Variants in SPOCK3 observed in about 807,000 individuals in gnomAD.
The protein encoded by SPOCK3 is testican-3.
In SPOCK3, 30 loss-of-function variants were observed where a neutral mutation model predicts 56.6. The observed-to-expected ratio is 0.53, with a 90% CI of 0.40 to 0.72. SPOCK3 has a LOEUF of 0.72. SPOCK3 is among the 30% of genes least tolerant of loss of function. SPOCK3 has a pLI of 0.00. For synonymous variants in SPOCK3, 196 were observed against 183.3 expected, an observed-to-expected ratio of 1.07 and a Z score of -0.56; for missense variants, 527 against 530.0, an observed-to-expected ratio of 0.99 and a Z score of 0.06.
intron 2 of SPOCK3, among the ~76,000 whole-genome samples, chr4:167,176,832 C>G (rs979329233): frequency 1.3e-5 from 2 of 152,042 alleles, no homozygotes; most frequent in African/African-American, 2.4e-5. Flanking sequence ...AAGTGGTTCA[C>G]GGGGGCAGAG....
chr4:166,953,696 CAAT>C (rs1009084339), intron 4 of SPOCK3, among the ~76,000 whole-genome samples: 1 of 152,146 alleles, frequency 6.6e-6, no homozygotes, highest in African/African-American at 2.4e-5. Context: ...AAATGTCCAA[CAAT>C]GATAGACTGG....
intron 4 of SPOCK3, among the ~76,000 whole-genome samples, chr4:166,998,054 G>A (rs907343097): frequency 1.3e-5 from 2 of 152,054 alleles, no homozygotes; most frequent in Non-Finnish European, 2.9e-5. Flanking sequence ...GCTTGGCAAA[G>A]CTCTTCTTCC....
At chr4:166,968,289 A>C (rs934207993) in intron 4 of SPOCK3, among the ~76,000 whole-genome samples, 4 of 152,230 alleles carry the variant, frequency 2.6e-5, no homozygotes, top group Non-Finnish European at 4.4e-5. Flanking sequence ...AAGGTGGCAG[A>C]AATTTGCATA....
chr4:167,003,386 G>A (rs1220766109), intron 3 of SPOCK3, among the ~76,000 whole-genome samples: 1 of 152,160 alleles, frequency 6.6e-6, no homozygotes, highest in African/African-American at 2.4e-5. Context: ...TTAACCATCT[G>A]TATTTTTTAG....
intron 7 of SPOCK3, among the ~76,000 whole-genome samples, chr4:166,781,991 C>T (rs2126618860): frequency 6.6e-6 from 1 of 152,126 alleles, no homozygotes; most frequent in East Asian, 1.9e-4. Flanking sequence ...AATATCTTTA[C>T]ACATTTATGG....
intron 2 of SPOCK3, among the ~76,000 whole-genome samples, chr4:167,122,111 CTCTTTTT>C (rs1393079664): frequency 8.3e-5 from 12 of 144,140 alleles, no homozygotes; most frequent in Admixed American, 1.4e-4. Flanking sequence ...CTCTTCTCTT[CTCTTTTT>C]TCTTTTTTCT....
chr4:167,191,759 T>C (rs1183990190), intron 2 of SPOCK3, among the ~76,000 whole-genome samples: 1 of 145,498 alleles, frequency 6.9e-6, no homozygotes, highest in Non-Finnish European at 1.5e-5. Flanking sequence ...CAGTTCATAT[T>C]TGAAAGTTTT....
intron 7 of SPOCK3, among the ~76,000 whole-genome samples, chr4:166,788,624 G>A (rs1265692620): frequency 6.6e-6 from 1 of 151,504 alleles, no homozygotes; most frequent in Non-Finnish European, 1.5e-5. Flanking sequence ...ACAAAATGCT[G>A]ACAAACCTTA....
chr4:167,214,586 A>T (rs1391972150), intron 2 of SPOCK3, among the ~76,000 whole-genome samples: 1 of 152,078 alleles, frequency 6.6e-6, no homozygotes, highest in African/African-American at 2.4e-5. Context: ...TTTTATTATA[A>T]AATCAGGTTT....
intron 4 of SPOCK3, among the ~76,000 whole-genome samples, chr4:166,930,016 T>C (rs915238292): frequency 3.3e-5 from 5 of 152,142 alleles, no homozygotes; most frequent in Non-Finnish European, 5.9e-5. Flanking sequence ...ATGAGGAAAA[T>C]GAACCATGAT....
chr4:167,146,343 C>T (rs1763954322), intron 2 of SPOCK3, among the ~76,000 whole-genome samples: 1 of 152,148 alleles, frequency 6.6e-6, no homozygotes, highest in Admixed American at 6.5e-5. Context: ...GAGACTTAGA[C>T]TCCCACACAA....
intron 6 of SPOCK3, among the ~76,000 whole-genome samples, chr4:166,832,143 T>C (rs1746147647): frequency 6.6e-6 from 1 of 152,114 alleles, no homozygotes; most frequent in Admixed American, 6.6e-5. Flanking sequence ...GAGAACTTAG[T>C]CATCAATTAC....
chr4:167,117,539 G>C (rs1385163799), intron 2 of SPOCK3, among the ~76,000 whole-genome samples: 1 of 152,140 alleles, frequency 6.6e-6, no homozygotes, highest in African/African-American at 2.4e-5. Context: ...CCTTCATGAA[G>C]AGTTATAGGC....
intron 2 of SPOCK3, among the ~76,000 whole-genome samples, chr4:167,116,598 A>ATATATACTATATACGTATATATATATG: frequency 1.1e-5 from 1 of 89,826 alleles, no homozygotes; most frequent in Non-Finnish European, 2.1e-5. Context: ...ATATATATAC[A>ATATATACTATATACGTATATATATATG]TATATACTAT....
intron 4 of SPOCK3, among the ~76,000 whole-genome samples, chr4:166,970,185 G>T (rs1745221196): frequency 6.6e-6 from 1 of 152,128 alleles, no homozygotes; most frequent in Admixed American, 6.5e-5. Context: ...CCAGATTCTG[G>T]TCTGAGGAGT....
At chr4:167,034,621 C>T (rs1176358137) in intron 3 of SPOCK3, among the ~76,000 whole-genome samples, 12 of 152,106 alleles carry the variant, frequency 7.9e-5, no homozygotes, top group Admixed American at 7.9e-4. Context: ...TACATATGTA[C>T]TGTCACTAGC....
intron 2 of SPOCK3, among the ~76,000 whole-genome samples, chr4:167,148,594 TG>T (rs1764168612): frequency 6.6e-6 from 1 of 152,192 alleles, no homozygotes; most frequent in South Asian, 2.1e-4. Flanking sequence ...TACAGATTTC[TG>T]TTATAACTGA....
intron 8 of SPOCK3, among the ~76,000 whole-genome samples, chr4:166,743,748 C>A (rs1437418245): frequency 6.6e-6 from 1 of 152,210 alleles, no homozygotes; most frequent in East Asian, 1.9e-4. Flanking sequence ...TTGGGACACT[C>A]CTGCCCTGAT....
chr4:167,048,372 T>G (rs1753907134), intron 3 of SPOCK3, among the ~76,000 whole-genome samples: 1 of 151,804 alleles, frequency 6.6e-6, no homozygotes, highest in Admixed American at 6.6e-5. Context: ...AGTGAAAGTA[T>G]TATACAGGTG....
Sources: allele counts gnomAD v4.1 joint callset (sites outside exome capture counted in the v4.1 genomes callset), GRCh38; gene constraint gnomAD v4.1.1; transcripts MANE v1.5; gene names NCBI Gene and HGNC (gene_info 2026-07-23, HGNC 2026-07-21).